ALKBH4: variants seen among roughly 807,000 people sequenced by gnomAD.
ALKBH4 encodes alkB homolog 4, lysine demethylase.
Under a neutral mutation model 12.1 loss-of-function variants are expected in ALKBH4, and 8 were observed. The ratio of observed to expected loss-of-function variants is 0.66; its 90% CI spans 0.39 to 1.19. ALKBH4 has a LOEUF of 1.19. ALKBH4 is among the 50% of genes most tolerant of loss of function. ALKBH4 has a pLI of 0.01. For missense variants in ALKBH4, 403 were observed against 430.4 expected, an observed-to-expected ratio of 0.94 and a Z score of 0.56; for synonymous variants, 195 against 191.6, an observed-to-expected ratio of 1.02 and a Z score of -0.15.
At chr7:102,459,432 C>A (rs1009729073) in intron 2 of ALKBH4, 172 bp downstream of exon 2, 2 of 724,362 alleles carry the variant, frequency 2.8e-6, no homozygotes, top group East Asian at 5.6e-5. Flanking sequence ...GCCCATCGGA[C>A]ACACGTCCTG....
chr7:102,459,744 A>T lies in ALKBH4; in HGVS notation c.181T>A (p.Ser61Thr), dbSNP rs138120612. The change falls in exon 2 of 3, where the codon TCT (serine) becomes ACT (threonine). Residue 61 changes from serine to threonine, a missense_variant. By Grantham distance (58) the Ser-to-Thr change is moderately conservative. Transcript: ENST00000292566. Reference sequence around the variant, plus strand: ...GGGAAGGCCCAGCCCTCAAAGTCAGACTCCTCTGTGCCCACGGCCCAGCCG... The same window carrying T: ...GGGAAGGCCCAGCCCTCAAAGTCAGTCTCCTCTGTGCCCACGGCCCAGCCG... ...DTGWAVGTEE[S>T]DFEGWAFPFP... 5.6e-6 allele frequency: 9 copies of T among 1,613,370 alleles called. No homozygotes were observed. The African/African-American group carries it at 1.1e-4, about 19-fold the overall frequency.
At chr7:102,459,198 T>A (rs1477467125) in intron 2 of ALKBH4, among the ~76,000 whole-genome samples, 2 of 142,386 alleles carry the variant, frequency 1.4e-5, no homozygotes, top group African/African-American at 2.6e-5. Context: ...CACCCGGGGA[T>A]GTTTGGACAC....
At chr7:102,462,361 A>G (rs758937020) in intron 1 of ALKBH4, among the ~76,000 whole-genome samples, 2 of 150,094 alleles carry the variant, frequency 1.3e-5, no homozygotes, top group Non-Finnish European at 2.9e-5. Flanking sequence ...ACTTTCCGCA[A>G]TTTTTTTCTT....
chr7:102,462,347 T>C (rs2133255259), intron 1 of ALKBH4, among the ~76,000 whole-genome samples: 1 of 151,948 alleles, frequency 6.6e-6, no homozygotes, highest in African/African-American at 2.4e-5. Flanking sequence ...CTGGAACGGG[T>C]CAGACTTTCC....
chr7:102,460,325 AAAAAAAAAAAAAG>A (rs1476358757), intron 1 of ALKBH4, among the ~76,000 whole-genome samples: 15 of 58,622 alleles, frequency 2.6e-4, no homozygotes, highest in Non-Finnish European at 4.2e-4. Context: ...ACCCTGTCTC[AAAAAAAAAAAAAG>A]AAAAAAAAAA....
chr7:102,461,757 C>T (rs184595523), intron 1 of ALKBH4, among the ~76,000 whole-genome samples: 80 of 152,228 alleles, frequency 5.3e-4, no homozygotes, highest in African/African-American at 1.8e-3. Context: ...TAGTTTCATC[C>T]CCAGGACAGC....
At chr7:102,463,900 C>T (rs1444173265) in intron 1 of ALKBH4, among the ~76,000 whole-genome samples, 1 of 152,220 alleles carries the variant, frequency 6.6e-6, no homozygotes, top group East Asian at 1.9e-4. Flanking sequence ...TCATATCTGC[C>T]CGTTCCCTTC....
chr7:102,459,356 G>T, intron 2 of ALKBH4: 1 of 413,514 alleles, frequency 2.4e-6, no homozygotes, highest in Non-Finnish European at 4.3e-6. Context: ...CACCAAGCCA[G>T]CTACAGAGGG....
At chr7:102,459,530 G>A (rs1344604988) in intron 2 of ALKBH4, 74 bp downstream of exon 2, 1 of 1,506,686 alleles carries the variant, frequency 6.6e-7, no homozygotes, top group African/African-American at 1.4e-5. Context: ...CTGCAAGGAG[G>A]GGGATGGCCC....
chr7:102,463,083 G>C (rs970066235), intron 1 of ALKBH4, among the ~76,000 whole-genome samples: 3 of 150,018 alleles, frequency 2.0e-5, no homozygotes, highest in Non-Finnish European at 4.4e-5. Context: ...TCAGCCTCCT[G>C]GGTAGCTGGG....
chr7:102,457,937 G>T lies in ALKBH4; in HGVS notation c.366C>A (p.Thr122=). ...AGCTGGGGAGGCCGCAGAAGCCCTC[G>T]GTCTTTAGCTTCTGTTTCCGAAAGT... The part of the protein sequence containing the change: ...KVNFRKQKLK[T]EGFCGLPSFS... The change falls in exon 3 of 3, where the codon ACC becomes ACA. Residue 122 remains threonine (T), a synonymous_variant. Coordinates refer to ENST00000292566, the MANE Select transcript of ALKBH4 (RefSeq NM_017621.4). This position sits in a 1 kb window ranked among gnomAD's most constrained non-coding sequence, Gnocchi z 5.9. 1.2e-6 allele frequency: 2 copies of T among 1,612,094 alleles called. No homozygotes were observed. Among genetic ancestry groups the T allele is most frequent in the Non-Finnish European group, 1.7e-6 (2 of 1,178,954 alleles).
At position 102,457,557 on chromosome 7, in the gene ALKBH4, C is replaced by T. The variant is rs1797681751; in HGVS notation, c.746G>A (p.Arg249Gln). The change falls in exon 3 of 3, where the codon CGG becomes CAG. Residue 249 changes from arginine to glutamine, a missense_variant. By Grantham distance (43) the Arg-to-Gln change is conservative. Coordinates refer to ENST00000292566, the MANE Select transcript of ALKBH4 (RefSeq NM_017621.4). The surrounding 1 kb of genome is among the most constrained non-coding windows in gnomAD (Gnocchi z 5.9). ...RSLLVLTGAA[R>Q]HQWKHAIHRR... is the part of the protein sequence containing the mutation. The stretch of plus-strand genomic sequence containing the variant: ...GTGGATGGCATGCTTCCACTGGTGC[C>T]GTGCCGCCCCGGTGAGGACCAGCAG... 2.5e-6 allele frequency: 4 copies of T among 1,611,106 alleles called. No individual in the cohort carries two copies. Among genetic ancestry groups the T allele is most frequent in the East Asian group, 2.2e-5 (1 of 44,870 alleles).
Position 102,457,758 on chromosome 7 carries a change from C to T in ALKBH4, c.545G>A (p.Ser182Asn), listed in dbSNP as rs940938675. The change falls in exon 3 of 3, where the codon AGC (serine) becomes AAC (asparagine). Residue 182 changes from serine to asparagine, a missense_variant. Ser to Asn is a conservative substitution (Grantham distance 46). Coordinates refer to ENST00000292566, the MANE Select transcript of ALKBH4 (RefSeq NM_017621.4). This position sits in a 1 kb window ranked among gnomAD's most constrained non-coding sequence, Gnocchi z 5.9. ...DAWLWGERLV[S>N]LNLLSPTVLS... Reference sequence around the variant, plus strand: ...CACGGTGGGGGACAGGAGGTTGAGGCTGACCAGCCGCTCCCCCCACAGCCA... The same window carrying T: ...CACGGTGGGGGACAGGAGGTTGAGGTTGACCAGCCGCTCCCCCCACAGCCA... 5 of 1,587,282 alleles carry T rather than the reference C, an allele frequency of 3.2e-6. No homozygotes were observed. In the African/African-American group the frequency reaches 5.4e-5, roughly 17 times the overall value.
chr7:102,460,279 C>T (rs1205840079), intron 1 of ALKBH4, among the ~76,000 whole-genome samples: 1 of 149,454 alleles, frequency 6.7e-6, no homozygotes, highest in Non-Finnish European at 1.5e-5. Flanking sequence ...GAGCCATGGT[C>T]GCGCTACTGC....
Position 102,457,429 on chromosome 7 carries a change from G to A in ALKBH4, c.874C>T (p.Arg292Trp), listed in dbSNP as rs755610154. 1.6e-5 allele frequency: 26 copies of A among 1,613,174 alleles called. No individual in the cohort carries two copies. The highest frequency in any genetic ancestry group is 2.1e-5 in the Non-Finnish European group (25 of 1,179,750). ...RQQELGQELL[R>W]IALSFQGRPV ...CTTCCCTGGAAGGAGAGGGCGATCC[G>A]CAGCAGTTCCTGGCCCAGCTCTTGC... Residue 292 changes from arginine (R) to tryptophan (W), a missense_variant, in exon 3 of 3, where the codon CGG (arginine) becomes TGG (tryptophan). By Grantham distance (101) the Arg-to-Trp change is moderately radical. Transcript: ENST00000292566. The surrounding 1 kb of genome is among the most constrained non-coding windows in gnomAD (Gnocchi z 5.9).
At chr7:102,463,565 G>A (rs922205856) in intron 1 of ALKBH4, among the ~76,000 whole-genome samples, 1 of 151,678 alleles carries the variant, frequency 6.6e-6, no homozygotes, top group Non-Finnish European at 1.5e-5. Flanking sequence ...CCTGACCTCA[G>A]GTGATCTGCC....
Position 102,457,275 on chromosome 7 carries a change from T to A in ALKBH4, c.*119A>T. 1 of 1,209,776 alleles carries A rather than the reference T, an allele frequency of 8.3e-7. No homozygotes were observed. The highest frequency in any genetic ancestry group is 2.4e-5 in the East Asian group (1 of 41,528). 74.9% of individuals were successfully genotyped at this position (1,209,776 alleles called of 1,614,324 possible). On this transcript the variant is annotated 3_prime_UTR_variant, in exon 3 of 3. Transcript: ENST00000292566. This position sits in a 1 kb window ranked among gnomAD's most constrained non-coding sequence, Gnocchi z 5.9. ...ACCTGCTCCTGGGCAGGGCTCACAC[T>A]GCTCACAGCATCAGGGGTCAGCCAT...
rs778050169 is a variant in ALKBH4 at position 102,457,591 on chromosome 7, C to A, written c.712G>T (p.Ala238Ser). The stretch of plus-strand genomic sequence containing the variant: ...CCGGTGAGGACCAGCAGGGAGCGGG[C>A]GGGTAAGGGGATGGCCACCTCCACC... ...QEVEVAIPLP[A>S]RSLLVLTGAA... Residue 238 changes from alanine (A) to serine (S), a missense_variant, in exon 3 of 3, where the codon GCC becomes TCC. Coordinates refer to ENST00000292566, the MANE Select transcript of ALKBH4 (RefSeq NM_017621.4). This position sits in a 1 kb window ranked among gnomAD's most constrained non-coding sequence, Gnocchi z 5.9. The A allele has an allele frequency of 2.9e-5, 46 of 1,604,690 alleles. No homozygotes were observed. The highest frequency in any genetic ancestry group is 2.5e-4 in the South Asian group (23 of 90,820).
intron 1 of ALKBH4, among the ~76,000 whole-genome samples, chr7:102,460,991 C>T (rs1371015421): frequency 6.6e-6 from 1 of 152,136 alleles, no homozygotes; most frequent in African/African-American, 2.4e-5. Context: ...TCTGCTCTGC[C>T]ACCAACCCCG....
Sources: allele counts gnomAD v4.1 joint callset (sites outside exome capture counted in the v4.1 genomes callset), GRCh38; gene constraint gnomAD v4.1.1; non-coding constraint Gnocchi (gnomAD v3.1); transcripts MANE v1.5; gene names NCBI Gene and HGNC (gene_info 2026-07-23, HGNC 2026-07-21).